Variants in GALNT18 observed in about 807,000 individuals in gnomAD.
The protein encoded by GALNT18 is polypeptide N-acetylgalactosaminyltransferase 18, also known as GalNAc-transferase 18.
In GALNT18, 44 loss-of-function variants were observed where a neutral mutation model predicts 69.5. The ratio of observed to expected loss-of-function variants is 0.63; its 90% CI spans 0.50 to 0.81. The LOEUF is 0.81. Among genes scored for constraint, GALNT18 ranks in the 40% least tolerant of loss-of-function variants. The pLI, the probability that GALNT18 is intolerant of heterozygous loss-of-function variation, is 0.00. For missense variants in GALNT18, 715 were observed against 810.0 expected, an observed-to-expected ratio of 0.88 and a Z score of 1.42; for synonymous variants, 364 against 318.2, an observed-to-expected ratio of 1.14 and a Z score of -1.53.
chr11:11,342,426 T>A (rs1194289529), intron 6 of GALNT18, among the ~76,000 whole-genome samples: 2 of 152,184 alleles, frequency 1.3e-5, no homozygotes, highest in Non-Finnish European at 2.9e-5. Context: ...ATATATAACA[T>A]GTACCCATCA....
chr11:11,547,122 T>C (rs1389415751), intron 1 of GALNT18, among the ~76,000 whole-genome samples: 1 of 152,188 alleles, frequency 6.6e-6, no homozygotes, highest in Non-Finnish European at 1.5e-5. Context: ...AGAAAGTATT[T>C]AGCCTTGTGC....
At chr11:11,397,476 A>C (rs1433005797) in intron 3 of GALNT18, among the ~76,000 whole-genome samples, 1 of 152,114 alleles carries the variant, frequency 6.6e-6, no homozygotes, top group Non-Finnish European at 1.5e-5. Context: ...GAGGACTTTT[A>C]TTTTTTGAGA....
rs188999332 is a variant in GALNT18, at chr11:11,512,694, G to A, written c.236-63758C>T. 3.6e-3 allele frequency among the ~76,000 whole-genome samples: 553 copies of A among 152,334 alleles called. 1 individual carries two copies. Among genetic ancestry groups the A allele is most frequent in the Non-Finnish European group, 5.4e-3 (364 of 68,026 alleles). On this transcript the variant is annotated intron_variant, in intron 1 of 10. Transcript: ENST00000227756. ...CAAATTGGCAGTTTGCACAGGGACT[G>A]TGTTTAGAAGGTGCTACGGAGAGTC... is the stretch of plus-strand genomic sequence containing the variant.
At chr11:11,423,082 A>G (rs145620274) in intron 3 of GALNT18, among the ~76,000 whole-genome samples, 1 of 152,290 alleles carries the variant, frequency 6.6e-6, no homozygotes, top group Non-Finnish European at 1.5e-5. Context: ...GCGCACACAC[A>G]GGTCCGCATC....
At chr11:11,308,829 T>C (rs1295339965) in intron 9 of GALNT18, among the ~76,000 whole-genome samples, 2 of 152,214 alleles carry the variant, frequency 1.3e-5, no homozygotes, top group African/African-American at 4.8e-5. Context: ...TACATCACAC[T>C]GGGCAGCATT....
At chr11:11,576,789 C>T (rs928640004) in intron 1 of GALNT18, among the ~76,000 whole-genome samples, 7 of 152,240 alleles carry the variant, frequency 4.6e-5, no homozygotes, top group African/African-American at 1.7e-4. Flanking sequence ...CTTTTATAAA[C>T]TGAACTCTAA....
At chr11:11,571,524 A>G (rs1858792981) in intron 1 of GALNT18, among the ~76,000 whole-genome samples, 1 of 152,172 alleles carries the variant, frequency 6.6e-6, no homozygotes, top group Non-Finnish European at 1.5e-5. Flanking sequence ...TTCCCAGTGA[A>G]CACCAGCTTT....
chr11:11,474,137 C>A lies in GALNT18; in HGVS notation c.236-25201G>T, dbSNP rs78468117. Among the ~76,000 whole-genome samples the A allele has an allele frequency of 8.5e-5, 13 of 152,196 alleles. No homozygotes were observed. The East Asian group carries it at 1.7e-3, about 20-fold the overall frequency. Reference sequence around the variant, plus strand: ...ACATTAAGTAAAATAAACCAAGAACCCAGGTCATCACAGATTGTGAAATAG... The same window carrying A: ...ACATTAAGTAAAATAAACCAAGAACACAGGTCATCACAGATTGTGAAATAG... On this transcript the variant is annotated intron_variant, in intron 1 of 10. Transcript: ENST00000227756.
intron 6 of GALNT18, among the ~76,000 whole-genome samples, chr11:11,371,981 G>C (rs1317118229): frequency 6.6e-6 from 1 of 152,152 alleles, no homozygotes; most frequent in African/African-American, 2.4e-5. Context: ...ATGGGCTGTG[G>C]GTCTGGCTAG....
At position 11,619,423 on chromosome 11, in the gene GALNT18, C is replaced by CT. The variant is rs1361096687; in HGVS notation, c.235+1935dup. On this transcript the variant is annotated intron_variant, in intron 1 of 10. Transcript: ENST00000227756. This position sits in a 1 kb window ranked among gnomAD's most constrained non-coding sequence, Gnocchi z 4.9. ...GCTTCCTTTCAACTTCAACATCATG[C>CT]TTTTCCATGTGGAACCTTAGAAATC... 6.6e-6 allele frequency among the ~76,000 whole-genome samples: 1 copy of CT among 152,166 alleles called. No homozygotes were observed. The highest frequency in any genetic ancestry group is 2.4e-5 in the African/African-American group (1 of 41,440).
At chr11:11,558,460 G>A (rs1858386756) in intron 1 of GALNT18, among the ~76,000 whole-genome samples, 5 of 152,266 alleles carry the variant, frequency 3.3e-5, no homozygotes, top group Admixed American at 3.3e-4. Flanking sequence ...GGCAGGGTGA[G>A]GCTGGGCTCT....
intron 1 of GALNT18, among the ~76,000 whole-genome samples, chr11:11,577,213 T>C (rs929924070): frequency 6.6e-6 from 1 of 152,132 alleles, no homozygotes; most frequent in African/African-American, 2.4e-5. Flanking sequence ...TCAGTAATGG[T>C]AGCCATTATT....
chr11:11,478,582 G>A (rs1278990495), intron 1 of GALNT18, among the ~76,000 whole-genome samples: 1 of 152,182 alleles, frequency 6.6e-6, no homozygotes, highest in Non-Finnish European at 1.5e-5. Context: ...CAAATGAAAT[G>A]AATGGATCAC....
At chr11:11,449,916 G>T (rs1014228758) in intron 1 of GALNT18, among the ~76,000 whole-genome samples, 3 of 152,244 alleles carry the variant, frequency 2.0e-5, no homozygotes, top group Admixed American at 1.3e-4. Flanking sequence ...GGCAATTAGG[G>T]TTATTATAGC....
chr11:11,419,419 A>G (rs1312707918), intron 3 of GALNT18, among the ~76,000 whole-genome samples: 1 of 151,890 alleles, frequency 6.6e-6, no homozygotes, highest in Non-Finnish European at 1.5e-5. Context: ...CAACATGGCG[A>G]AACCTTGTCT....
At position 11,318,566 on chromosome 11, in the gene GALNT18, G is replaced by C. The variant is rs1456514335; in HGVS notation, c.1512+8520C>G. Among the ~76,000 whole-genome samples the C allele has an allele frequency of 2.0e-5, 3 of 152,184 alleles. No homozygotes were observed. The highest frequency in any genetic ancestry group is 2.9e-5 in the Non-Finnish European group (2 of 68,028). ...GAACTTCTAGGCTTCAGAATTGTGA[G>C]ACAGTAATTTTCTGTCGTTTAAGTC... On this transcript the variant is annotated intron_variant, in intron 9 of 10. Coordinates refer to ENST00000227756, the MANE Select transcript of GALNT18 (RefSeq NM_198516.3). This position sits in a 1 kb window ranked among gnomAD's most constrained non-coding sequence, Gnocchi z 5.1.
chr11:11,481,898 T>C (rs1856538972), intron 1 of GALNT18, among the ~76,000 whole-genome samples: 2 of 152,246 alleles, frequency 1.3e-5, no homozygotes, highest in Non-Finnish European at 2.9e-5. Context: ...ATAGTATTGT[T>C]GAATGGCAGA....
chr11:11,437,313 C>T (rs1279323373), intron 2 of GALNT18, among the ~76,000 whole-genome samples: 1 of 152,124 alleles, frequency 6.6e-6, no homozygotes, highest in Non-Finnish European at 1.5e-5. Flanking sequence ...GAAAGCTGAG[C>T]CATTTTCCAC....
intron 3 of GALNT18, among the ~76,000 whole-genome samples, chr11:11,391,997 T>A (rs141780692): frequency 3.1e-4 from 47 of 152,346 alleles, no homozygotes; most frequent in South Asian, 1.0e-3. Flanking sequence ...AATGAGTGCA[T>A]GAGTCATGTC....
Sources: allele counts gnomAD v4.1 joint callset (sites outside exome capture counted in the v4.1 genomes callset), GRCh38; gene constraint gnomAD v4.1.1; non-coding constraint Gnocchi (gnomAD v3.1); transcripts MANE v1.5; gene names NCBI Gene and HGNC (gene_info 2026-07-23, HGNC 2026-07-21).